KCNF1: variants seen among roughly 807,000 people sequenced by gnomAD.
KCNF1 encodes potassium voltage-gated channel modifier subfamily F member 1, also known as voltage-gated potassium channel regulatory subunit KCNF1.
KCNF1 carries 9 observed loss-of-function variants against 28.6 expected under a neutral mutation model. The ratio of observed to expected loss-of-function variants is 0.31; its 90% confidence interval spans 0.19 to 0.55. The LOEUF (loss-of-function observed/expected upper bound fraction) is 0.55. KCNF1 is among the 20% of genes least tolerant of loss of function. The probability of loss-of-function intolerance (pLI) is 0.93; values close to 1 mark genes in which losing one functional copy is unlikely to be tolerated. For missense variants in KCNF1, 461 were observed against 684.2 expected (o/e 0.67, Z 3.64); for synonymous variants, 328 against 299.6 (o/e 1.09, Z -0.98).
chr2:10,913,724 A>G lies in KCNF1; in HGVS notation c.1298A>G (p.Asn433Ser), dbSNP rs761502406. ...CACGAGCTGGAGCTGATGGAACTCAACTCCAGCAGCGGGGGCGAGGGCAAG... is the reference window on the plus strand; with the variant it reads ...CACGAGCTGGAGCTGATGGAACTCAGCTCCAGCAGCGGGGGCGAGGGCAAG... ...AKHELELMEL[N>S]SSSGGEGKTG... The change falls in exon 1 of 1, where the codon AAC (asparagine) becomes AGC (serine). Residue 433 changes from asparagine (N) to serine (S), a missense_variant. Physicochemically the swap from Asn to Ser is conservative, Grantham distance 46 (BLOSUM62 1). Transcript: ENST00000295082. This position sits in a 1 kb window ranked among gnomAD's most constrained non-coding sequence, Gnocchi z 5.5. The G allele has an allele frequency of 3.7e-6, 6 of 1,613,290 alleles. No individual in the cohort carries two copies. The highest frequency in any genetic ancestry group is 1.6e-4 in the Middle Eastern group (1 of 6,084).
chr2:10,912,436 T>G lies in KCNF1; in HGVS notation c.10T>G (p.Ser4Ala). 1 of 1,415,078 alleles carries G rather than the reference T, an allele frequency of 7.1e-7. No individual in the cohort carries two copies. 87.7% of individuals were successfully genotyped at this position (1,415,078 alleles called of 1,614,324 possible). Residue 4 changes from serine to alanine, a missense_variant, in exon 1 of 1, where the codon TCC becomes GCC. This residue lies in a region of KCNF1 where 52 missense variants were observed against 39.8 expected (regional missense o/e 1.31). Coordinates refer to ENST00000295082, the MANE Select transcript of KCNF1 (RefSeq NM_002236.5). This position sits in a 1 kb window ranked among gnomAD's most constrained non-coding sequence, Gnocchi z 7.9. The stretch of plus-strand genomic sequence containing the variant: ...GGCGCGCGCGGGGAGGATGGACGGG[T>G]CCGGGGAGCGCAGCCTCCCGGAGCC... MDGSGERSLPEPGS... is the reference protein window; with the variant it reads MDGAGERSLPEPGS...
At position 10,913,935 on chromosome 2, in the gene KCNF1, T is replaced by G; in HGVS notation, c.*24T>G. ...GACAGGAGGGCCCCTCAGGCAGAGA[T>G]GGACCAGGCGGTGGACAGATGGGTA... On this transcript the variant is annotated 3_prime_UTR_variant, in exon 1 of 1. Transcript: ENST00000295082. This position sits in a 1 kb window ranked among gnomAD's most constrained non-coding sequence, Gnocchi z 5.5. 6.6e-7 allele frequency: 1 copy of G among 1,519,836 alleles called. No homozygotes were observed. 94.1% of individuals were successfully genotyped at this position (1,519,836 alleles called of 1,614,324 possible).
At position 10,912,699 on chromosome 2, in the gene KCNF1, G is replaced by T. The variant is rs767407657; in HGVS notation, c.273G>T (p.Glu91Asp). Reference sequence around the variant, plus strand: ...CGGACGCCTTCAAGTGTGTCATCGAGGTGTACTATTTCGGGGAGGTCCACA... The same window carrying T: ...CGGACGCCTTCAAGTGTGTCATCGATGTGTACTATTTCGGGGAGGTCCACA... The part of the protein sequence containing the change: ...RDPDAFKCVI[E>D]VYYFGEVHMK... Residue 91 changes from glutamate to aspartate, a missense_variant, in exon 1 of 1, where the codon GAG (glutamate) becomes GAT (aspartate). Glu to Asp is a conservative substitution (Grantham distance 45). Coordinates refer to ENST00000295082, the MANE Select transcript of KCNF1 (RefSeq NM_002236.5). The surrounding 1 kb of genome is among the most constrained non-coding windows in gnomAD (Gnocchi z 7.9). 6 of 1,614,056 alleles carry T rather than the reference G, an allele frequency of 3.7e-6. No individual in the cohort carries two copies. Among genetic ancestry groups the T allele is most frequent in the Non-Finnish European group, 4.2e-6 (5 of 1,180,048 alleles).
chr2:10,912,614 TCTTCTC>T lies in KCNF1; in HGVS notation c.190_195del (p.Phe64_Ser65del). On this transcript the variant is annotated inframe_deletion, in exon 1 of 1. Transcript: ENST00000295082. The surrounding 1 kb of genome is among the most constrained non-coding windows in gnomAD (Gnocchi z 7.9). Reference sequence around the variant, plus strand: ...TGCTTGGCTGGGGGCTACGACACCATCTTCTCCCTGTGCGACGACTACGACCCCGGC... The same window carrying T: ...TGCTTGGCTGGGGGCTACGACACCATCCTGTGCGACGACTACGACCCCGGC... 1 of 1,613,552 alleles carries T rather than the reference TCTTCTC, an allele frequency of 6.2e-7. No individual in the cohort carries two copies. The highest frequency in any genetic ancestry group is 1.1e-5 in the South Asian group (1 of 91,020).
chr2:10,913,606 G>T lies in KCNF1; in HGVS notation c.1180G>T (p.Gly394Cys). The T allele has an allele frequency of 6.2e-7, 1 of 1,613,404 alleles. No homozygotes were observed. The part of the protein sequence containing the change: ...KLNAAISFLC[G>C]VIAIALPIHP... ...CAACGCGGCCATCAGCTTCTTGTGT[G>T]GTGTCATCGCCATCGCCCTGCCCAT... is the stretch of plus-strand genomic sequence containing the variant. Residue 394 changes from glycine to cysteine, a missense_variant, in exon 1 of 1, where the codon GGT becomes TGT. This residue lies in a region of KCNF1 where 115 missense variants were observed against 261.6 expected (regional missense o/e 0.44). Coordinates refer to ENST00000295082, the MANE Select transcript of KCNF1 (RefSeq NM_002236.5). This position sits in a 1 kb window ranked among gnomAD's most constrained non-coding sequence, Gnocchi z 5.5.
Position 10,912,993 on chromosome 2 carries a change from C to T in KCNF1, c.567C>T (p.Phe189=). The T allele has an allele frequency of 6.2e-7, 1 of 1,602,916 alleles. No individual in the cohort carries two copies. The highest frequency in any genetic ancestry group is 2.2e-5 in the East Asian group (1 of 44,858). ...CPARVVAVLS[F]LLILVSSVVM... ...CGCGGGTGGTGGCCGTGCTCTCCTT[C>T]CTGCTCATCCTCGTCTCGTCCGTGG... Residue 189 remains phenylalanine (F), a synonymous_variant, in exon 1 of 1, where the codon TTC becomes TTT. Coordinates refer to ENST00000295082, the MANE Select transcript of KCNF1 (RefSeq NM_002236.5). This position sits in a 1 kb window ranked among gnomAD's most constrained non-coding sequence, Gnocchi z 7.9.
Position 10,914,145 on chromosome 2 carries a change from G to A in KCNF1, c.*234G>A, listed in dbSNP as rs547524133. ...CAGGAGCCGCAGGGCCGTGTGGGAC[G>A]AGTGGAGGCCGCGGCCTGGCTGGCA... On this transcript the variant is annotated 3_prime_UTR_variant, in exon 1 of 1. Transcript: ENST00000295082. The A allele has an allele frequency of 5.0e-5, 23 of 462,790 alleles. No homozygotes were observed. The East Asian group carries it at 7.6e-4, about 15-fold the overall frequency. The allele number at this position is 462,790 out of a possible 1,614,324, so 28.7% of individuals were successfully genotyped here. A position where few individuals can be genotyped will look rare whatever the true frequency, so the allele number is the denominator to read the frequency against.
chr2:10,912,444 G>A lies in KCNF1; in HGVS notation c.18G>A (p.Glu6=). ...CGGGGAGGATGGACGGGTCCGGGGA[G>A]CGCAGCCTCCCGGAGCCGGGCAGCC... MDGSG[E]RSLPEPGSQS... The change falls in exon 1 of 1, where the codon GAG becomes GAA. Residue 6 remains glutamate (E), a synonymous_variant. Transcript: ENST00000295082. This position sits in a 1 kb window ranked among gnomAD's most constrained non-coding sequence, Gnocchi z 7.9. 1 of 1,443,502 alleles carries A rather than the reference G, an allele frequency of 6.9e-7. No homozygotes were observed. The highest frequency in any genetic ancestry group is 2.6e-5 in the East Asian group (1 of 38,254). 89.4% of individuals were successfully genotyped at this position (1,443,502 alleles called of 1,614,324 possible).
chr2:10,913,839 C>T lies in KCNF1; in HGVS notation c.1413C>T (p.Ser471=). 6.4e-7 allele frequency: 1 copy of T among 1,551,538 alleles called. No homozygotes were observed. The highest frequency in any genetic ancestry group is 8.7e-7 in the Non-Finnish European group (1 of 1,149,542). The change falls in exon 1 of 1, where the codon TCC becomes TCT. Residue 471 remains serine, a synonymous_variant. Coordinates refer to ENST00000295082, the MANE Select transcript of KCNF1 (RefSeq NM_002236.5). The surrounding 1 kb of genome is among the most constrained non-coding windows in gnomAD (Gnocchi z 5.5). ...APSCSSRLKL[S]HSDTFIPLLT... ...GCTGCAGCAGCCGGCTGAAGCTCTC[C>T]CACAGCGACACCTTCATCCCCCTCC...
rs1558489770 is a variant in KCNF1, at chr2:10,913,455, C to T, written c.1029C>T (p.Tyr343=). ...VGIFVFSALG[Y]TMEQSHPETL... is the part of the protein sequence containing the mutation. Reference sequence around the variant, plus strand: ...TCTTCGTCTTCTCTGCCCTGGGCTACACCATGGAGCAGAGCCATCCAGAGA... The same window carrying T: ...TCTTCGTCTTCTCTGCCCTGGGCTATACCATGGAGCAGAGCCATCCAGAGA... The change falls in exon 1 of 1, where the codon TAC becomes TAT. Residue 343 remains tyrosine (Y), a synonymous_variant. Coordinates refer to ENST00000295082, the MANE Select transcript of KCNF1 (RefSeq NM_002236.5). This position sits in a 1 kb window ranked among gnomAD's most constrained non-coding sequence, Gnocchi z 5.5. The T allele has an allele frequency of 1.9e-6, 3 of 1,614,212 alleles. No homozygotes were observed. The highest frequency in any genetic ancestry group is 8.5e-7 in the Non-Finnish European group (1 of 1,180,046).
At position 10,913,320 on chromosome 2, in the gene KCNF1, G is replaced by T. The variant is rs1444968923; in HGVS notation, c.894G>T (p.Ala298=). 5 of 1,613,004 alleles carry T rather than the reference G, an allele frequency of 3.1e-6. No individual in the cohort carries two copies. The highest frequency in any genetic ancestry group is 4.2e-6 in the Non-Finnish European group (5 of 1,179,790). ...AGGCGCTGCGGATCATGCGCATCGCGCGCATCTTCAAGCTGGCCCGCCACT... is the reference window on the plus strand; with the variant it reads ...AGGCGCTGCGGATCATGCGCATCGCTCGCATCTTCAAGCTGGCCCGCCACT... ...AVQALRIMRI[A]RIFKLARHSS... is the part of the protein sequence containing the mutation. Residue 298 remains alanine (A), a synonymous_variant, in exon 1 of 1, where the codon GCG becomes GCT. Transcript: ENST00000295082. This position sits in a 1 kb window ranked among gnomAD's most constrained non-coding sequence, Gnocchi z 5.5.
rs1378607851 is a variant in KCNF1 at position 10,913,857 on chromosome 2, C to A, written c.1431C>A (p.Ile477=). 1 of 1,536,040 alleles carries A rather than the reference C, an allele frequency of 6.5e-7. No homozygotes were observed. The highest frequency in any genetic ancestry group is 8.7e-7 in the Non-Finnish European group (1 of 1,143,524). The stretch of plus-strand genomic sequence containing the variant: ...AGCTCTCCCACAGCGACACCTTCAT[C>A]CCCCTCCTGACCGAGGAGAAGCACC... ...RLKLSHSDTF[I]PLLTEEKHHR... Residue 477 remains isoleucine (I), a synonymous_variant, in exon 1 of 1, where the codon ATC becomes ATA. Transcript: ENST00000295082. This position sits in a 1 kb window ranked among gnomAD's most constrained non-coding sequence, Gnocchi z 5.5.
In KCNF1 at chr2:10,912,940, C is replaced by T; in HGVS notation, c.514C>T (p.Leu172=). The T allele has an allele frequency of 1.2e-6, 2 of 1,607,120 alleles. No homozygotes were observed. Among genetic ancestry groups the T allele is most frequent in the Non-Finnish European group, 1.7e-6 (2 of 1,179,766 alleles). Reference sequence around the variant, plus strand: ...CTGCCAGAAGTGCGTCTGGAAGTTCCTGGAGAAGCCCGAGTCGTCGTGCCC... The same window carrying T: ...CTGCCAGAAGTGCGTCTGGAAGTTCTTGGAGAAGCCCGAGTCGTCGTGCCC... The part of the protein sequence containing the change: ...RRCQKCVWKF[L]EKPESSCPAR... The change falls in exon 1 of 1, where the codon CTG becomes TTG. Residue 172 remains leucine (L), a synonymous_variant. Coordinates refer to ENST00000295082, the MANE Select transcript of KCNF1 (RefSeq NM_002236.5). This position sits in a 1 kb window ranked among gnomAD's most constrained non-coding sequence, Gnocchi z 7.9.
rs770192134 is a variant in KCNF1, at chr2:10,912,897, C to T, written c.471C>T (p.Ala157=). ...LILDDLGVDA[A]EGRWRRCQKC... is the part of the protein sequence containing the mutation. ...TGGACGACCTGGGCGTGGACGCAGC[C>T]GAGGGCCGCTGGCGCCGCTGCCAGA... The change falls in exon 1 of 1, where the codon GCC becomes GCT. Residue 157 remains alanine (A), a synonymous_variant. Transcript: ENST00000295082. The surrounding 1 kb of genome is among the most constrained non-coding windows in gnomAD (Gnocchi z 7.9). 6.2e-7 allele frequency: 1 copy of T among 1,611,654 alleles called. No homozygotes were observed. Among genetic ancestry groups the T allele is most frequent in the East Asian group, 2.2e-5 (1 of 44,856 alleles).
In KCNF1 at chr2:10,912,209, G is replaced by T. The variant is rs1392117840; in HGVS notation, c.-218G>T. ...CCCCCGCGGGCTCGCCCGGGCGCCC[G>T]GATGCCAGCCCCGAGCCCCGCCGCC... is the stretch of plus-strand genomic sequence containing the variant. On this transcript the variant is annotated 5_prime_UTR_variant, in exon 1 of 1. Coordinates refer to ENST00000295082, the MANE Select transcript of KCNF1 (RefSeq NM_002236.5). The surrounding 1 kb of genome is among the most constrained non-coding windows in gnomAD (Gnocchi z 7.9). The T allele has an allele frequency of 6.2e-6, 1 of 161,308 alleles. No individual in the cohort carries two copies. Among genetic ancestry groups the T allele is most frequent in the East Asian group, 1.9e-4 (1 of 5,310 alleles). 10.0% of individuals were successfully genotyped at this position (161,308 alleles called of 1,614,324 possible).
Position 10,913,702 on chromosome 2 carries a change from G to T in KCNF1, c.1276G>T (p.Glu426Ter), listed in dbSNP as rs1347385677. The T allele has an allele frequency of 6.2e-7, 1 of 1,613,982 alleles. No homozygotes were observed. Among genetic ancestry groups the T allele is most frequent in the Non-Finnish European group, 8.5e-7 (1 of 1,180,026 alleles). The change falls in exon 1 of 1, where the codon GAG (glutamate) becomes TAG (stop). Residue 426 changes from glutamate to a stop codon, truncating the protein, a stop_gained. Transcript: ENST00000295082. LOFTEE classifies it high-confidence loss of function. This position sits in a 1 kb window ranked among gnomAD's most constrained non-coding sequence, Gnocchi z 5.5. ...QRVLETAAKHELELMELNSSS... is the reference protein window; with the variant it reads ...QRVLETAAKH ...CGTCCTGGAGACCGCGGCCAAGCACGAGCTGGAGCTGATGGAACTCAACTC... is the reference window on the plus strand; with the variant it reads ...CGTCCTGGAGACCGCGGCCAAGCACTAGCTGGAGCTGATGGAACTCAACTC...
At position 10,913,423 on chromosome 2, in the gene KCNF1, G is replaced by C; in HGVS notation, c.997G>C (p.Val333Leu). Residue 333 changes from valine to leucine, a missense_variant, in exon 1 of 1, where the codon GTG becomes CTG. Val to Leu is a conservative substitution (Grantham distance 32). Around this residue, in one of 4 missense-constraint regions of KCNF1, gnomAD observed 115 missense variants for 261.6 expected, o/e 0.44. Coordinates refer to ENST00000295082, the MANE Select transcript of KCNF1 (RefSeq NM_002236.5). The surrounding 1 kb of genome is among the most constrained non-coding windows in gnomAD (Gnocchi z 5.5). ...ELGLLLMYLAVGIFVFSALGY... is the reference protein window; with the variant it reads ...ELGLLLMYLALGIFVFSALGY... Reference sequence around the variant, plus strand: ...GGGGCTGCTGCTCATGTACCTGGCAGTGGGTATCTTCGTCTTCTCTGCCCT... The same window carrying C: ...GGGGCTGCTGCTCATGTACCTGGCACTGGGTATCTTCGTCTTCTCTGCCCT... 1 of 1,614,198 alleles carries C rather than the reference G, an allele frequency of 6.2e-7. No homozygotes were observed. Among genetic ancestry groups the C allele is most frequent in the Non-Finnish European group, 8.5e-7 (1 of 1,180,032 alleles).
At position 10,913,950 on chromosome 2, in the gene KCNF1, A is replaced by C. The variant is rs755995918; in HGVS notation, c.*39A>C. 1 of 1,515,962 alleles carries C rather than the reference A, an allele frequency of 6.6e-7. No individual in the cohort carries two copies. The highest frequency in any genetic ancestry group is 2.3e-5 in the East Asian group (1 of 44,030). 93.9% of individuals were successfully genotyped at this position (1,515,962 alleles called of 1,614,324 possible). A position where few individuals can be genotyped will look rare whatever the true frequency, so the allele number is the denominator to read the frequency against. On this transcript the variant is annotated 3_prime_UTR_variant, in exon 1 of 1. Transcript: ENST00000295082. The surrounding 1 kb of genome is among the most constrained non-coding windows in gnomAD (Gnocchi z 5.5). ...CAGGCAGAGATGGACCAGGCGGTGGACAGATGGGTAGATGTGGCAGGCATG... is the reference window on the plus strand; with the variant it reads ...CAGGCAGAGATGGACCAGGCGGTGGCCAGATGGGTAGATGTGGCAGGCATG...
rs774101829 is a variant in KCNF1, at chr2:10,913,958, G to A, written c.*47G>A. On this transcript the variant is annotated 3_prime_UTR_variant, in exon 1 of 1. Coordinates refer to ENST00000295082, the MANE Select transcript of KCNF1 (RefSeq NM_002236.5). The surrounding 1 kb of genome is among the most constrained non-coding windows in gnomAD (Gnocchi z 5.5). ...GATGGACCAGGCGGTGGACAGATGG[G>A]TAGATGTGGCAGGCATGTCATCGAC... 6.6e-6 allele frequency: 10 copies of A among 1,512,212 alleles called. No homozygotes were observed. Among genetic ancestry groups the A allele is most frequent in the Non-Finnish European group, 8.8e-6 (10 of 1,131,298 alleles). 93.7% of individuals were successfully genotyped at this position (1,512,212 alleles called of 1,614,324 possible). A position where few individuals can be genotyped will look rare whatever the true frequency, so the allele number is the denominator to read the frequency against.
Sources: gnomAD v4.1 joint callset for allele counts on GRCh38, gnomAD v4.1.1 for gene constraint, gnomAD v4.1.1 regional missense constraint, Gnocchi (gnomAD v3.1) non-coding constraint, MANE v1.5 for transcripts, NCBI Gene and HGNC (gene_info 2026-07-23, HGNC 2026-07-21) for gene names.